The following SETD7 variants were observed in gnomAD, a reference collection of about 807,000 sequenced individuals.
SETD7 encodes histone-lysine N-methyltransferase SETD7.
Under a neutral mutation model 41.8 loss-of-function variants are expected in SETD7, and 16 were observed. The observed-to-expected ratio is 0.38, with a 90% CI of 0.26 to 0.58. The LOEUF (loss-of-function observed/expected upper bound fraction) is 0.58. Ranked by LOEUF, SETD7 falls within the 20% of genes least tolerant of loss-of-function variation. The probability of loss-of-function intolerance (pLI) is 0.64; values close to 1 mark genes in which losing one functional copy is unlikely to be tolerated. For synonymous variants in SETD7, 163 were observed against 169.7 expected (o/e 0.96, Z 0.31); for missense variants, 346 against 459.7 (o/e 0.75, Z 2.26).
intron 7 of SETD7, chr4:139,496,629 G>C: frequency 1.6e-6 from 1 of 613,112 alleles, no homozygotes; most frequent in Non-Finnish European, 2.9e-6. Flanking sequence ...TAGAAACCCA[G>C]CTGCATTTTT....
At chr4:139,550,881 A>G (rs1236132133) in intron 1 of SETD7, among the ~76,000 whole-genome samples, 2 of 152,176 alleles carry the variant, frequency 1.3e-5, no homozygotes, top group Admixed American at 6.5e-5. Context: ...GAAGACACCA[A>G]TGCTTTATGA....
chr4:139,534,739 A>G (rs948494777), intron 2 of SETD7, among the ~76,000 whole-genome samples: 3 of 152,180 alleles, frequency 2.0e-5, no homozygotes, highest in African/African-American at 7.2e-5. Context: ...AACAAACACA[A>G]TGGTATAGGA....
intron 3 of SETD7, among the ~76,000 whole-genome samples, chr4:139,531,911 G>C (rs994384352): frequency 4.3e-4 from 65 of 150,736 alleles, no homozygotes; most frequent in African/African-American, 1.5e-3. Context: ...TGGTCAACAT[G>C]GTGAAACCCC....
intron 7 of SETD7, among the ~76,000 whole-genome samples, chr4:139,512,142 C>A (rs1035994422): frequency 1.3e-5 from 2 of 152,202 alleles, no homozygotes; most frequent in African/African-American, 4.8e-5. Flanking sequence ...ATATTTGGCA[C>A]CTTGCATTTA....
In SETD7 at chr4:139,510,732, A is replaced by T. The variant is rs1726846701; in HGVS notation, c.*931T>A. 1 of 152,536 alleles carries T rather than the reference A, an allele frequency of 6.6e-6. No individual in the cohort carries two copies. Among genetic ancestry groups the T allele is most frequent in the Admixed American group, 6.5e-5 (1 of 15,272 alleles). The allele number at this position is 152,536 out of a possible 1,614,324, so 9.4% of individuals were successfully genotyped here. ...TGACCGCGCTATGTTATGTACATTT[A>T]ATGTGTACTCAAGGAGGAAAAAATT... is the stretch of plus-strand genomic sequence containing the variant. On this transcript the variant is annotated 3_prime_UTR_variant, in exon 8 of 8. Coordinates refer to ENST00000274031, the MANE Select transcript of SETD7 (RefSeq NM_030648.4).
intron 2 of SETD7, among the ~76,000 whole-genome samples, chr4:139,536,310 G>C (rs1263909038): frequency 6.6e-6 from 1 of 151,808 alleles, no homozygotes; most frequent in East Asian, 1.9e-4. Flanking sequence ...GGCCAGCCGG[G>C]GGAAAAAAAG....
rs1477214680 is a variant in SETD7, at chr4:139,555,465, G to A, written c.40+633C>T. On this transcript the variant is annotated intron_variant, in intron 1 of 7. Coordinates refer to ENST00000274031, the MANE Select transcript of SETD7 (RefSeq NM_030648.4). The surrounding 1 kb of genome is among the most constrained non-coding windows in gnomAD (Gnocchi z 4.0). Reference sequence around the variant, plus strand: ...GGGGCAGCTGAGGGGAGGGCTGCCCGCCTCCCGGACGGCGCACGTTCGAGT... The same window carrying A: ...GGGGCAGCTGAGGGGAGGGCTGCCCACCTCCCGGACGGCGCACGTTCGAGT... Among the ~76,000 whole-genome samples, 1 of 152,108 alleles carries A rather than the reference G, an allele frequency of 6.6e-6. No homozygotes were observed. Among genetic ancestry groups the A allele is most frequent in the African/African-American group, 2.4e-5 (1 of 41,430 alleles).
intron 2 of SETD7, chr4:139,546,507 G>GA (rs1374990307): frequency 6.5e-6 from 2 of 307,376 alleles, no homozygotes; most frequent in Non-Finnish European, 1.2e-5. Flanking sequence ...GTGACCCTTG[G>GA]AAAAAAGTGT....
chr4:139,533,095 C>T (rs535521790), intron 3 of SETD7, 70 bp downstream of exon 3: 2 of 1,380,232 alleles, frequency 1.4e-6, no homozygotes, highest in East Asian at 2.3e-5. Context: ...ACACAGAATA[C>T]ATTTTACTCT....
At chr4:139,515,685 T>A (rs1417902152) in intron 7 of SETD7, among the ~76,000 whole-genome samples, 3 of 152,238 alleles carry the variant, frequency 2.0e-5, no homozygotes, top group African/African-American at 7.2e-5. Context: ...ACAGAAGTTG[T>A]AGCTTCAGTG....
chr4:139,511,330 G>GA lies in SETD7; in HGVS notation c.*332dup. The GA allele has an allele frequency of 3.4e-6, 1 of 296,664 alleles. No homozygotes were observed. Among genetic ancestry groups the GA allele is most frequent in the Non-Finnish European group, 6.3e-6 (1 of 159,600 alleles). The allele number at this position is 296,664 out of a possible 1,614,324, so 18.4% of individuals were successfully genotyped here. A position where few individuals can be genotyped will look rare whatever the true frequency, so the allele number is the denominator to read the frequency against. ...GAAAAACCACTGACTAAAAATGACTGAAAAACCCCGTTTCCCTGTTTCAGT... is the reference window on the plus strand; with the variant it reads ...GAAAAACCACTGACTAAAAATGACTGAAAAAACCCCGTTTCCCTGTTTCAGT... On this transcript the variant is annotated 3_prime_UTR_variant, in exon 8 of 8. Coordinates refer to ENST00000274031, the MANE Select transcript of SETD7 (RefSeq NM_030648.4).
chr4:139,505,063 TTC>T (rs1473502042), downstream of SETD7, among the ~76,000 whole-genome samples: 4 of 152,174 alleles, frequency 2.6e-5, no homozygotes, highest in South Asian at 2.1e-4. Context: ...TCTCACTCGT[TTC>T]TGTTTCCTTC....
intron 5 of SETD7, among the ~76,000 whole-genome samples, chr4:139,521,471 TA>T (rs1727179917): frequency 6.6e-6 from 1 of 152,018 alleles, no homozygotes; most frequent in Non-Finnish European, 1.5e-5. Context: ...GAACTGGATT[TA>T]ACCAGACGCT....
chr4:139,511,602 T>G lies in SETD7; in HGVS notation c.*61A>C. On this transcript the variant is annotated 3_prime_UTR_variant, in exon 8 of 8. Coordinates refer to ENST00000274031, the MANE Select transcript of SETD7 (RefSeq NM_030648.4). ...AGTCCCTGGTTGTCCCATTGTCAGA[T>G]AAACGTAGTGCATAGATCCAAGTTT... The G allele has an allele frequency of 6.2e-7, 1 of 1,606,172 alleles. No homozygotes were observed. Among genetic ancestry groups the G allele is most frequent in the Admixed American group, 1.7e-5 (1 of 57,332 alleles).
In SETD7 at chr4:139,528,897, T is replaced by G. The variant is rs1331448344; in HGVS notation, c.562+134A>C. ...CACTGGGGAGGTGCAGTGTCTGTTATGCAATAAAACCTGACTAATAAACAC... is the reference window on the plus strand; with the variant it reads ...CACTGGGGAGGTGCAGTGTCTGTTAGGCAATAAAACCTGACTAATAAACAC... On this transcript the variant is annotated intron_variant, in intron 4 of 7. Transcript: ENST00000274031. The G allele has an allele frequency of 4.6e-5, 34 of 736,876 alleles. 1 individual carries two copies. In the South Asian group the frequency reaches 6.2e-4, roughly 13 times the overall value. The allele number at this position is 736,876 out of a possible 1,614,324, so 45.6% of individuals were successfully genotyped here.
Position 139,543,837 on chromosome 4 carries a change from G to A in SETD7, c.170+3083C>T, listed in dbSNP as rs1727848045. 2.6e-5 allele frequency among the ~76,000 whole-genome samples: 4 copies of A among 151,618 alleles called. No homozygotes were observed. The South Asian group carries it at 8.4e-4, about 32-fold the overall frequency. On this transcript the variant is annotated intron_variant, in intron 2 of 7. Coordinates refer to ENST00000274031, the MANE Select transcript of SETD7 (RefSeq NM_030648.4). ...AAATTAGCCGGGCGTGGTGGTGGGC[G>A]CCTGTAGTCCCAGCTACTCAGGAGG...
chr4:139,551,059 G>A (rs943128094), intron 1 of SETD7, among the ~76,000 whole-genome samples: 2 of 152,226 alleles, frequency 1.3e-5, no homozygotes, highest in Admixed American at 6.5e-5. Context: ...CAGGTCCCTG[G>A]CAGGGAAGTG....
chr4:139,503,606 C>A (rs6831621), downstream of SETD7, among the ~76,000 whole-genome samples: 2,181 of 145,872 alleles, frequency 0.015, 47 homozygotes, highest in African/African-American at 0.052. Context: ...CTTTGTAAAC[C>A]CCCCTCTACA....
intron 2 of SETD7, among the ~76,000 whole-genome samples, chr4:139,543,962 T>TCAAA (rs10684792): frequency 0.22 from 32,236 of 148,066 alleles, 4,907 homozygotes; most frequent in African/African-American, 0.44. Context: ...AGACTCCATC[T>TCAAA]CAAACAAACA....
Sources: gnomAD v4.1 joint callset for allele counts (sites outside exome capture counted in the v4.1 genomes callset) on GRCh38, gnomAD v4.1.1 for gene constraint, Gnocchi (gnomAD v3.1) non-coding constraint, MANE v1.5 for transcripts, NCBI Gene and HGNC (gene_info 2026-07-23, HGNC 2026-07-21) for gene names.